Variants in KIAA0040 observed in about 807,000 individuals in gnomAD.
KIAA0040 encodes uncharacterized protein KIAA0040.
KIAA0040 carries 10 observed loss-of-function variants against 7.2 expected under a neutral mutation model. That is an observed-to-expected ratio of 1.38 (90% CI 0.85 to 2.34). KIAA0040 has a LOEUF of 2.34. Among genes scored for constraint, KIAA0040 ranks in the 30% most tolerant of loss-of-function variants. The pLI is 0.00. For synonymous variants in KIAA0040, 49 were observed against 40.1 expected (o/e 1.22, Z -0.84); for missense variants, 89 against 108.2 (o/e 0.82, Z 0.79).
At chr1:175,175,904 A>G (rs913147565) in intron 2 of KIAA0040, among the ~76,000 whole-genome samples, 2 of 152,230 alleles carry the variant, frequency 1.3e-5, no homozygotes, top group African/African-American at 4.8e-5. Context: ...AAGGGATAGC[A>G]TTAGGAGATA....
At position 175,158,037 on chromosome 1, in the gene KIAA0040, A is replaced by G. The variant is rs1676360584; in HGVS notation, c.*2677T>C. 1 of 152,498 alleles carries G rather than the reference A, an allele frequency of 6.6e-6. No individual in the cohort carries two copies. Among genetic ancestry groups the G allele is most frequent in the Non-Finnish European group, 1.5e-5 (1 of 68,262 alleles). 9.4% of individuals were successfully genotyped at this position (152,498 alleles called of 1,614,324 possible). A position where few individuals can be genotyped will look rare whatever the true frequency, so the allele number is the denominator to read the frequency against. ...CAGAAGAGGGAATCAGAGAAGCATA[A>G]AACATGGAGAAAAAGATGAGAAGGA... is the stretch of plus-strand genomic sequence containing the variant. On this transcript the variant is annotated 3_prime_UTR_variant, in exon 4 of 4. Transcript: ENST00000423313.
intron 2 of KIAA0040, among the ~76,000 whole-genome samples, chr1:175,173,366 G>C (rs1345699242): frequency 6.6e-6 from 1 of 152,186 alleles, no homozygotes; most frequent in Non-Finnish European, 1.5e-5. Flanking sequence ...CATTTGCTGA[G>C]TTCTTACTAA....
intron 2 of KIAA0040, among the ~76,000 whole-genome samples, chr1:175,177,101 G>T (rs934227618): frequency 6.6e-6 from 1 of 152,168 alleles, no homozygotes; most frequent in Non-Finnish European, 1.5e-5. Flanking sequence ...TGGGAGGTAG[G>T]GGGGATGGTG....
chr1:175,173,855 C>A (rs1335007407), intron 2 of KIAA0040, among the ~76,000 whole-genome samples: 1 of 152,228 alleles, frequency 6.6e-6, no homozygotes, highest in African/African-American at 2.4e-5. Context: ...CACTGGCAGT[C>A]TGGGAGCTAT....
At chr1:175,178,494 T>A (rs1422542428) in intron 1 of KIAA0040, among the ~76,000 whole-genome samples, 2 of 152,270 alleles carry the variant, frequency 1.3e-5, no homozygotes, top group Non-Finnish European at 2.9e-5. Flanking sequence ...TTTGCATCAA[T>A]AAAATATGCC....
At chr1:175,170,041 T>A (rs1676924665) in intron 2 of KIAA0040, among the ~76,000 whole-genome samples, 3 of 152,136 alleles carry the variant, frequency 2.0e-5, no homozygotes, top group African/African-American at 7.2e-5. Context: ...GTTAGTGCAA[T>A]AAAGGAAATA....
intron 2 of KIAA0040, among the ~76,000 whole-genome samples, chr1:175,169,456 T>C (rs553310477): frequency 6.6e-6 from 1 of 152,310 alleles, no homozygotes; most frequent in East Asian, 1.9e-4. Context: ...AATGAGTCAG[T>C]AGAAGTAGAG....
intron 2 of KIAA0040, among the ~76,000 whole-genome samples, chr1:175,176,669 C>CGTTTTTT (rs1677203535): frequency 3.6e-5 from 1 of 27,440 alleles, no homozygotes; most frequent in Non-Finnish European, 8.2e-5. Context: ...AAGTAGCATG[C>CGTTTTTT]TTTTTTTTTT....
At chr1:175,191,667 T>C (rs952904933) in intron 1 of KIAA0040, among the ~76,000 whole-genome samples, 5 of 152,254 alleles carry the variant, frequency 3.3e-5, no homozygotes, top group South Asian at 2.1e-4. Flanking sequence ...TCCTGCTCTT[T>C]GTAACTCAAG....
chr1:175,163,566 C>T (rs528902193), intron 3 of KIAA0040, among the ~76,000 whole-genome samples: 12 of 152,318 alleles, frequency 7.9e-5, no homozygotes, highest in South Asian at 4.1e-4. Flanking sequence ...TTCTAAGCCC[C>T]GGTGATGCTG....
intron 1 of KIAA0040, among the ~76,000 whole-genome samples, chr1:175,187,929 C>G (rs1677726401): frequency 6.6e-6 from 1 of 152,010 alleles, no homozygotes; most frequent in Admixed American, 6.6e-5. Context: ...ATGGGCTTTT[C>G]TGAAGACTAT....
Position 175,163,231 on chromosome 1 carries a change from C to T in KIAA0040, c.-133-2085G>A, listed in dbSNP as rs897515066. 5.6e-4 allele frequency among the ~76,000 whole-genome samples: 85 copies of T among 152,302 alleles called. 1 individual carries two copies. The highest frequency in any genetic ancestry group is 2.0e-3 in the African/African-American group (82 of 41,556). ...AGAATCTTACAATATTTGGCTATTC[C>T]CCAGATTAACTTAAATGCTTATCCC... On this transcript the variant is annotated intron_variant, in intron 3 of 3. Transcript: ENST00000423313.
chr1:175,181,274 G>A (rs1314730471), intron 1 of KIAA0040, among the ~76,000 whole-genome samples: 2 of 152,156 alleles, frequency 1.3e-5, no homozygotes, highest in Non-Finnish European at 2.9e-5. Context: ...TGCTATTACT[G>A]TAAAAAGACC....
intron 1 of KIAA0040, among the ~76,000 whole-genome samples, chr1:175,178,605 A>T (rs1468253453): frequency 6.6e-6 from 1 of 152,194 alleles, no homozygotes; most frequent in Non-Finnish European, 1.5e-5. Context: ...GGGAAAAAGA[A>T]GTGTACCAAC....
Position 175,160,734 on chromosome 1 carries a change from TC to T in KIAA0040, c.279del (p.Arg94AspfsTer8). ...SAQPKLLQMEKRPSLPV is the reference protein window; with the variant it reads ...SAQPKLLQMEXRPSLPV The stretch of plus-strand genomic sequence containing the variant: ...CCTAACTAAACAGGCAGTGATGGTC[TC>T]TTCTCCATCTGGAGAAGCTTGGGTT... On this transcript the variant is annotated frameshift_variant, in exon 4 of 4. Coordinates refer to ENST00000423313, the MANE Select transcript of KIAA0040 (RefSeq NM_014656.3). LOFTEE classifies it high-confidence loss of function. 2 of 1,548,692 alleles carry T rather than the reference TC, an allele frequency of 1.3e-6. No homozygotes were observed. Among genetic ancestry groups the T allele is most frequent in the Non-Finnish European group, 1.7e-6 (2 of 1,146,634 alleles).
intron 2 of KIAA0040, among the ~76,000 whole-genome samples, chr1:175,168,231 T>A (rs988586981): frequency 1.3e-5 from 2 of 152,222 alleles, no homozygotes; most frequent in African/African-American, 4.8e-5. Context: ...TACTGTTTTG[T>A]ACAAAAATGG....
chr1:175,174,905 T>C (rs1677125788), intron 2 of KIAA0040, among the ~76,000 whole-genome samples: 1 of 152,188 alleles, frequency 6.6e-6, no homozygotes, highest in Admixed American at 6.5e-5. Context: ...CTTGGTTATA[T>C]AGTTCTCATT....
At chr1:175,172,192 CT>C (rs1211869178) in intron 2 of KIAA0040, among the ~76,000 whole-genome samples, 4 of 152,140 alleles carry the variant, frequency 2.6e-5, no homozygotes, top group Admixed American at 1.3e-4. Context: ...TCATGTTACC[CT>C]CAGGATTAAT....
rs957796085 is a variant in KIAA0040, at chr1:175,157,090, CA to C, written c.*3623del. On this transcript the variant is annotated 3_prime_UTR_variant, in exon 4 of 4. Transcript: ENST00000423313. ...ATATTGAACAGTGTACACACACTTACACACACACATACACACAGTTTTTGCC... is the reference window on the plus strand; with the variant it reads ...ATATTGAACAGTGTACACACACTTACCACACACATACACACAGTTTTTGCC... 1 of 152,032 alleles carries C rather than the reference CA, an allele frequency of 6.6e-6. No homozygotes were observed. Among genetic ancestry groups the C allele is most frequent in the African/African-American group, 2.4e-5 (1 of 41,390 alleles). 9.4% of individuals were successfully genotyped at this position (152,032 alleles called of 1,614,324 possible). A position where few individuals can be genotyped will look rare whatever the true frequency, so the allele number is the denominator to read the frequency against.
Sources: allele counts gnomAD v4.1 joint callset (sites outside exome capture counted in the v4.1 genomes callset), GRCh38; gene constraint gnomAD v4.1.1; transcripts MANE v1.5; gene names NCBI Gene and HGNC (gene_info 2026-07-23, HGNC 2026-07-21).